LINGO2: variants seen among roughly 807,000 people sequenced by gnomAD.
LINGO2 encodes leucine rich repeat and Ig domain containing 2.
In LINGO2, 14 loss-of-function variants were observed where a neutral mutation model predicts 30.6. The ratio of observed to expected loss-of-function variants is 0.46; its 90% CI spans 0.30 to 0.72. The LOEUF (loss-of-function observed/expected upper bound fraction) is 0.72, where lower values mean the gene tolerates loss of function less well. LINGO2 is among the 30% of genes least tolerant of loss of function. LINGO2 has a pLI of 0.07. For synonymous variants in LINGO2, 317 were observed against 288.5 expected (o/e 1.10, Z -1.00); for missense variants, 729 against 751.7 (o/e 0.97, Z 0.35).
At chr9:28,428,093 T>A (rs529751097) in intron 2 of LINGO2, among the ~76,000 whole-genome samples, 1 of 152,270 alleles carries the variant, frequency 6.6e-6, no homozygotes, top group African/African-American at 2.4e-5. Flanking sequence ...TTTTTTAACA[T>A]TGCAAAATAT....
Position 28,531,814 on chromosome 9 carries a change from T to C in LINGO2, c.-364-55789A>G, listed in dbSNP as rs959498643. On this transcript the variant is annotated intron_variant, in intron 1 of 5. Coordinates refer to ENST00000379992, the Ensembl canonical transcript of LINGO2. ...GAAATTTAGTTCAGATCCTCAAGGGTGAAAAAAAAAAGCTTTTGTGTGTGA... is the reference window on the plus strand; with the variant it reads ...GAAATTTAGTTCAGATCCTCAAGGGCGAAAAAAAAAAGCTTTTGTGTGTGA... Among the ~76,000 whole-genome samples the C allele has an allele frequency of 2.0e-5, 3 of 151,454 alleles. No homozygotes were observed. In the East Asian group the frequency reaches 5.8e-4, roughly 29 times the overall value.
chr9:28,630,161 T>G (rs1479133758), intron 1 of LINGO2, among the ~76,000 whole-genome samples: 5 of 151,952 alleles, frequency 3.3e-5, no homozygotes, highest in Admixed American at 6.6e-5. Context: ...TGTATACATA[T>G]GTAACTAACT....
intron 4 of LINGO2, among the ~76,000 whole-genome samples, chr9:28,101,774 G>A (rs951440411): frequency 6.6e-6 from 1 of 152,140 alleles, no homozygotes; most frequent in Non-Finnish European, 1.5e-5. Context: ...ACTGCTAGAA[G>A]CCAAGTGCGG....
intron 1 of LINGO2, among the ~76,000 whole-genome samples, chr9:28,542,959 C>T (rs569820142): frequency 7.9e-5 from 12 of 152,096 alleles, no homozygotes; most frequent in East Asian, 1.9e-4. Flanking sequence ...CAGAACACGA[C>T]GTGTAGGGCA....
chr9:28,423,336 T>C (rs950801778), intron 2 of LINGO2, among the ~76,000 whole-genome samples: 8 of 151,936 alleles, frequency 5.3e-5, no homozygotes, highest in African/African-American at 1.9e-4. Flanking sequence ...ACTCTAGGTC[T>C]AAGAAATAAG....
intron 2 of LINGO2, among the ~76,000 whole-genome samples, chr9:28,404,556 T>C (rs1032158376): frequency 6.6e-5 from 10 of 152,144 alleles, no homozygotes; most frequent in African/African-American, 2.4e-4. Context: ...AAAATATATA[T>C]GAAGTATGAG....
At chr9:28,492,832 A>AAAC (rs750571371) in intron 1 of LINGO2, among the ~76,000 whole-genome samples, 25 of 151,968 alleles carry the variant, frequency 1.6e-4, no homozygotes, top group South Asian at 6.2e-4. Context: ...CCTAAAAGAA[A>AAAC]AACAACAACA....
intron 4 of LINGO2, among the ~76,000 whole-genome samples, chr9:28,264,671 A>G (rs1822683707): frequency 6.6e-6 from 1 of 151,922 alleles, no homozygotes; most frequent in South Asian, 2.1e-4. Context: ...TTTGTATTCT[A>G]GCTCGGCCAC....
chr9:28,203,153 T>C (rs2133828013), intron 4 of LINGO2, among the ~76,000 whole-genome samples: 1 of 152,324 alleles, frequency 6.6e-6, no homozygotes, highest in South Asian at 2.1e-4. Context: ...TGAACTAAAT[T>C]ACCTAACATT....
In LINGO2 at chr9:28,075,118, A is replaced by G. The variant is rs138447505; in HGVS notation, c.-86-62713T>C. ...CTATCAGCATTCAGAACTTTTTATC[A>G]TTCCCTGGAATTCCTTCATAGTTGT... On this transcript the variant is annotated intron_variant, in intron 4 of 5. Coordinates refer to ENST00000379992, the Ensembl canonical transcript of LINGO2. Among the ~76,000 whole-genome samples the G allele has an allele frequency of 8.1e-3, 1,224 of 152,026 alleles. 12 individuals carry two copies. Among genetic ancestry groups the G allele is most frequent in the African/African-American group, 0.027 (1,135 of 41,546 alleles).
At chr9:29,069,726 G>A in the LINGO2 span, among the ~76,000 whole-genome samples, 1 of 152,030 alleles carries the variant, frequency 6.6e-6, no homozygotes, top group Non-Finnish European at 1.5e-5. Context: ...TGTTAATAGA[G>A]TTTGGTTCAA....
At chr9:28,819,826 G>T in the LINGO2 span, among the ~76,000 whole-genome samples, 1 of 152,032 alleles carries the variant, frequency 6.6e-6, no homozygotes, top group Non-Finnish European at 1.5e-5. Flanking sequence ...CAGCTTCCTG[G>T]GCTATAGAAA....
At chr9:28,142,518 GA>G in intron 4 of LINGO2, among the ~76,000 whole-genome samples, 1 of 151,574 alleles carries the variant, frequency 6.6e-6, no homozygotes, top group Middle Eastern at 3.4e-3. Flanking sequence ...GTCTGGCTCA[GA>G]AAAAAAATGG....
chr9:28,656,071 G>C (rs889883232), intron 1 of LINGO2, among the ~76,000 whole-genome samples: 5 of 152,028 alleles, frequency 3.3e-5, no homozygotes, highest in African/African-American at 1.2e-4. Context: ...TGTCAAATTA[G>C]GCAACACTGC....
At chr9:29,054,872 C>T in the LINGO2 span, among the ~76,000 whole-genome samples, 4 of 151,996 alleles carry the variant, frequency 2.6e-5, no homozygotes, top group African/African-American at 9.7e-5. Flanking sequence ...AGATATTTTT[C>T]TTGGATATAT....
the LINGO2 span, among the ~76,000 whole-genome samples, chr9:29,032,592 A>C: frequency 9.8e-5 from 15 of 152,294 alleles, no homozygotes; most frequent in South Asian, 2.5e-3. Flanking sequence ...GAAGTAAATC[A>C]TCTCTTAGAA....
At chr9:28,700,566 G>C in the LINGO2 span, among the ~76,000 whole-genome samples, 2 of 151,926 alleles carry the variant, frequency 1.3e-5, no homozygotes, top group African/African-American at 4.8e-5. Flanking sequence ...TCCAAGTTTT[G>C]GCAATTGTGA....
chr9:28,166,847 A>G (rs1828441011), intron 4 of LINGO2, among the ~76,000 whole-genome samples: 1 of 152,032 alleles, frequency 6.6e-6, no homozygotes, highest in Non-Finnish European at 1.5e-5. Flanking sequence ...CCTCTTGTCT[A>G]CTATTACTCT....
At chr9:27,997,765 CTCTT>C (rs1313984148) in intron 5 of LINGO2, among the ~76,000 whole-genome samples, 2 of 152,134 alleles carry the variant, frequency 1.3e-5, no homozygotes, top group Non-Finnish European at 2.9e-5. Context: ...GTGATTTGTT[CTCTT>C]TAAGACTAAA....
Sources: gnomAD v4.1 joint callset for allele counts (sites outside exome capture counted in the v4.1 genomes callset) on GRCh38, gnomAD v4.1.1 for gene constraint, MANE v1.5 for transcripts, NCBI Gene and HGNC (gene_info 2026-07-23, HGNC 2026-07-21) for gene names.